The following MXD1 variants were observed in gnomAD, a reference collection of about 807,000 sequenced individuals.
The protein encoded by MXD1 is MAX-binding protein.
A neutral mutation model predicts 25.7 loss-of-function variants in MXD1; 9 were observed. That is an observed-to-expected ratio of 0.35 (90% CI 0.21 to 0.61). MXD1 has a LOEUF of 0.61. Ranked by LOEUF, MXD1 falls within the 20% of genes least tolerant of loss-of-function variation. MXD1 has a pLI of 0.75. For missense variants in MXD1, 227 were observed against 292.4 expected, an observed-to-expected ratio of 0.78 and a Z score of 1.63; for synonymous variants, 99 against 113.9, an observed-to-expected ratio of 0.87 and a Z score of 0.83.
chr2:69,937,213 C>A, intron 4 of MXD1, 22 bp from the exon 5 acceptor site: 1 of 1,611,626 alleles, frequency 6.2e-7, no homozygotes, highest in Admixed American at 1.7e-5. Flanking sequence ...TGGGGCCCAA[C>A]AACTACCCCT....
At chr2:69,931,715 T>C (rs958493805) in intron 3 of MXD1, among the ~76,000 whole-genome samples, 1 of 152,238 alleles carries the variant, frequency 6.6e-6, no homozygotes, top group African/African-American at 2.4e-5. Flanking sequence ...TTACTAGTTA[T>C]GGGCCATACT....
rs1676955559 is a variant in MXD1, at chr2:69,916,000, C to T, written c.74-121C>T. ...TTGTTCTCAGAATTCCACCTTACTC[C>T]ATTTAATTATTTCCACAATATTCTT... is the stretch of plus-strand genomic sequence containing the variant. On this transcript the variant is annotated intron_variant, in intron 1 of 5. Coordinates refer to ENST00000264444, the MANE Select transcript of MXD1 (RefSeq NM_002357.4). The surrounding 1 kb of genome is among the most constrained non-coding windows in gnomAD (Gnocchi z 5.8). 2 of 688,472 alleles carry T rather than the reference C, an allele frequency of 2.9e-6. No individual in the cohort carries two copies. Among genetic ancestry groups the T allele is most frequent in the Admixed American group, 5.6e-5 (2 of 35,782 alleles). 42.6% of individuals were successfully genotyped at this position (688,472 alleles called of 1,614,324 possible). A position where few individuals can be genotyped will look rare whatever the true frequency, so the allele number is the denominator to read the frequency against.
intron 3 of MXD1, among the ~76,000 whole-genome samples, chr2:69,926,749 A>G (rs1420721933): frequency 6.6e-6 from 1 of 152,218 alleles, no homozygotes; most frequent in Non-Finnish European, 1.5e-5. Flanking sequence ...TAATTCTGCT[A>G]TTTCTTTCTC....
chr2:69,925,426 T>C (rs1677152011), intron 3 of MXD1, among the ~76,000 whole-genome samples: 4 of 152,222 alleles, frequency 2.6e-5, no homozygotes, highest in South Asian at 2.1e-4. Context: ...GAACTGAAAA[T>C]ATAGTTTTGT....
chr2:69,920,102 C>A (rs1677037227), intron 2 of MXD1, among the ~76,000 whole-genome samples: 1 of 152,188 alleles, frequency 6.6e-6, no homozygotes, highest in African/African-American at 2.4e-5. Context: ...CCTCCAACTC[C>A]CTCGTTCAAG....
In MXD1 at chr2:69,915,137, G is replaced by C. The variant is rs909002158; in HGVS notation, c.-194G>C. Reference sequence around the variant, plus strand: ...CTGCTCCGGGTTCTGTCACTGTGTCGGCGGTGCCCAGCTCACTGGCCCCCT... The same window carrying C: ...CTGCTCCGGGTTCTGTCACTGTGTCCGCGGTGCCCAGCTCACTGGCCCCCT... On this transcript the variant is annotated 5_prime_UTR_variant, in exon 1 of 6. Transcript: ENST00000264444. The surrounding 1 kb of genome is among the most constrained non-coding windows in gnomAD (Gnocchi z 5.8). 6 of 419,680 alleles carry C rather than the reference G, an allele frequency of 1.4e-5. No homozygotes were observed. Among genetic ancestry groups the C allele is most frequent in the African/African-American group, 1.2e-4 (6 of 48,906 alleles). 26.0% of individuals were successfully genotyped at this position (419,680 alleles called of 1,614,324 possible). A position where few individuals can be genotyped will look rare whatever the true frequency, so the allele number is the denominator to read the frequency against.
Position 69,921,741 on chromosome 2 carries a change from C to T in MXD1, c.179C>T (p.Thr60Ile). 1.2e-6 allele frequency: 2 copies of T among 1,610,168 alleles called. No homozygotes were observed. The change falls in exon 3 of 6, where the codon ACT (threonine) becomes ATT (isoleucine). Residue 60 changes from threonine to isoleucine, a missense_variant. By Grantham distance (89) the Thr-to-Ile change is moderately conservative. Coordinates refer to ENST00000264444, the MANE Select transcript of MXD1 (RefSeq NM_002357.4). ...SKKNNSSSRS[T>I]HNEMEKNRRA... ...CTTATTGTTCCCTCTTTCAGATCAA[C>T]TCACAATGAAATGGAGAAGAATAGG...
intron 3 of MXD1, among the ~76,000 whole-genome samples, chr2:69,926,338 CTTTT>C (rs982138907): frequency 6.8e-6 from 1 of 146,452 alleles, no homozygotes. Context: ...TTTCATTCTC[CTTTT>C]TTTTTTTCCA....
In MXD1 at chr2:69,939,834, C is replaced by G. The variant is rs143141439; in HGVS notation, c.*1550C>G. 6.6e-6 allele frequency: 1 copy of G among 152,406 alleles called. No homozygotes were observed. Among genetic ancestry groups the G allele is most frequent in the Admixed American group, 6.5e-5 (1 of 15,282 alleles). 9.4% of individuals were successfully genotyped at this position (152,406 alleles called of 1,614,324 possible). On this transcript the variant is annotated 3_prime_UTR_variant, in exon 6 of 6. Transcript: ENST00000264444. ...GACTCGGCAGCGGGCAGCCACCCCA[C>G]GCTCCCCTGCGGTCACTCGCACACC...
intron 3 of MXD1, among the ~76,000 whole-genome samples, chr2:69,934,085 T>C (rs1677363565): frequency 6.6e-6 from 1 of 152,232 alleles, no homozygotes; most frequent in Non-Finnish European, 1.5e-5. Flanking sequence ...ATGTGTGTGT[T>C]TGAGGCACGG....
Position 69,942,837 on chromosome 2 carries a change from A to AG in MXD1, c.*4553_*4554insG, listed in dbSNP as rs1324817388. 9.7e-4 allele frequency: 148 copies of AG among 152,338 alleles called. No individual in the cohort carries two copies. The highest frequency in any genetic ancestry group is 3.3e-3 in the African/African-American group (138 of 41,580). 9.4% of individuals were successfully genotyped at this position (152,338 alleles called of 1,614,324 possible). A position where few individuals can be genotyped will look rare whatever the true frequency, so the allele number is the denominator to read the frequency against. On this transcript the variant is annotated 3_prime_UTR_variant, in exon 6 of 6. Coordinates refer to ENST00000264444, the MANE Select transcript of MXD1 (RefSeq NM_002357.4). ...AATGGTGCTTTTTACTACAGTTAGC[A>AG]CATGCATTTTTAGAAACTACTACAT...
chr2:69,917,146 G>C (rs990954120), intron 2 of MXD1, among the ~76,000 whole-genome samples: 2 of 152,110 alleles, frequency 1.3e-5, no homozygotes, highest in Admixed American at 6.5e-5. Flanking sequence ...GTATCTATTT[G>C]GATATCCTCT....
At chr2:69,937,119 C>G in intron 4 of MXD1, 116 bp from the exon 5 acceptor site, 1 of 1,364,968 alleles carries the variant, frequency 7.3e-7, no homozygotes, top group Admixed American at 1.7e-5. Context: ...ATGAGTGGCA[C>G]CGAAAGGCGT....
At chr2:69,917,816 C>T (rs560572223) in intron 2 of MXD1, among the ~76,000 whole-genome samples, 14 of 126,924 alleles carry the variant, frequency 1.1e-4, no homozygotes, top group Non-Finnish European at 1.9e-4. Context: ...CTTTAATAAT[C>T]AGTACTATGC....
At position 69,935,938 on chromosome 2, in the gene MXD1, A is replaced by T. The variant is rs111533981; in HGVS notation, c.318+473A>T. ...TTAAAATTCTTCTGTGGCTCAGGACAAGCTCTGTCACCTGGTCTGCCCCAG... is the reference window on the plus strand; with the variant it reads ...TTAAAATTCTTCTGTGGCTCAGGACTAGCTCTGTCACCTGGTCTGCCCCAG... On this transcript the variant is annotated intron_variant, in intron 4 of 5. Coordinates refer to ENST00000264444, the MANE Select transcript of MXD1 (RefSeq NM_002357.4). 2.9e-3 allele frequency among the ~76,000 whole-genome samples: 435 copies of T among 152,196 alleles called. 1 individual carries two copies. Among genetic ancestry groups the T allele is most frequent in the Middle Eastern group, 0.01 (3 of 294 alleles).
intron 4 of MXD1, 91 bp from the exon 5 acceptor site, chr2:69,937,144 C>A (rs1048809070): frequency 3.9e-6 from 6 of 1,521,596 alleles, no homozygotes; most frequent in African/African-American, 1.4e-5. Context: ...GGAAGTGTGG[C>A]GCATTCCACT....
chr2:69,933,929 G>A (rs940178890), intron 3 of MXD1, among the ~76,000 whole-genome samples: 9 of 152,238 alleles, frequency 5.9e-5, no homozygotes, highest in Admixed American at 1.3e-4. Context: ...AGTAGGTTGT[G>A]TGTGGGCAAT....
chr2:69,928,569 A>G (rs1677215029), intron 3 of MXD1, among the ~76,000 whole-genome samples: 1 of 152,094 alleles, frequency 6.6e-6, no homozygotes, highest in Admixed American at 6.5e-5. Context: ...CTTACTCAAT[A>G]TTGTATCCCA....
chr2:69,933,398 C>T (rs1677347020), intron 3 of MXD1, among the ~76,000 whole-genome samples: 1 of 152,130 alleles, frequency 6.6e-6, no homozygotes, highest in South Asian at 2.1e-4. Flanking sequence ...TTCTTCCCTT[C>T]CCTGGTCCCC....
Sources: allele counts gnomAD v4.1 joint callset (sites outside exome capture counted in the v4.1 genomes callset), GRCh38; gene constraint gnomAD v4.1.1; non-coding constraint Gnocchi (gnomAD v3.1); transcripts MANE v1.5; gene names NCBI Gene and HGNC (gene_info 2026-07-23, HGNC 2026-07-21).